Variants in XYLT1 observed in about 807,000 individuals in gnomAD.
XYLT1 encodes xylosyltransferase 1.
Under a neutral mutation model 91.3 loss-of-function variants are expected in XYLT1, and 36 were observed. The observed-to-expected ratio is 0.39, with a 90% CI of 0.30 to 0.52. XYLT1 has a LOEUF of 0.52. Ranked by LOEUF, XYLT1 falls within the 20% of genes least tolerant of loss-of-function variation. The pLI is 0.68. For missense variants in XYLT1, 1,242 were observed against 1,284.5 expected, an observed-to-expected ratio of 0.97 and a Z score of 0.51; for synonymous variants, 588 against 532.0, an observed-to-expected ratio of 1.11 and a Z score of -1.45.
At chr16:17,153,093 A>G (rs1290072867) in intron 6 of XYLT1, among the ~76,000 whole-genome samples, 1 of 152,170 alleles carries the variant, frequency 6.6e-6, no homozygotes, top group Admixed American at 6.5e-5. Flanking sequence ...TTCTTCTCAT[A>G]TCAACAACAC....
chr16:17,275,257 A>G (rs2033956786), intron 2 of XYLT1, among the ~76,000 whole-genome samples: 1 of 152,210 alleles, frequency 6.6e-6, no homozygotes, highest in Admixed American at 6.5e-5. Flanking sequence ...CACATTTCAC[A>G]GGTGAAAGTA....
intron 5 of XYLT1, among the ~76,000 whole-genome samples, chr16:17,166,758 C>T (rs1404242573): frequency 6.6e-6 from 1 of 151,564 alleles, no homozygotes; most frequent in African/African-American, 2.4e-5. Flanking sequence ...AGGTGATCTG[C>T]CTGCCTCAGC....
At chr16:17,362,067 A>G (rs915925473) in intron 1 of XYLT1, among the ~76,000 whole-genome samples, 7 of 152,304 alleles carry the variant, frequency 4.6e-5, no homozygotes, top group African/African-American at 1.7e-4. Flanking sequence ...GAAAGCCTGG[A>G]TCTGATCCCA....
chr16:17,464,366 C>A (rs923602211), intron 1 of XYLT1, among the ~76,000 whole-genome samples: 6 of 151,742 alleles, frequency 4.0e-5, no homozygotes, highest in Non-Finnish European at 7.4e-5. Flanking sequence ...GTGGCGGGTG[C>A]CTGTAATCCC....
intron 5 of XYLT1, among the ~76,000 whole-genome samples, chr16:17,167,194 T>C (rs2031708655): frequency 6.6e-6 from 1 of 152,198 alleles, no homozygotes; most frequent in African/African-American, 2.4e-5. Flanking sequence ...GTGAATAAGC[T>C]TCAGGAATGT....
rs185528435 is a variant in XYLT1 at position 17,307,705 on chromosome 16, T to C, written c.403-48207A>G. ...TCTGGCCCATTTGTAACTTTGCCCC[T>C]GAATAAAAGAAGGGATTGATCGGGG... On this transcript the variant is annotated intron_variant, in intron 2 of 11. Transcript: ENST00000261381. Among the ~76,000 whole-genome samples, 84 of 152,244 alleles carry C rather than the reference T, an allele frequency of 5.5e-4. 1 individual carries two copies. The East Asian group carries it at 0.012, about 22-fold the overall frequency.
At chr16:17,273,149 A>G (rs2033921694) in intron 2 of XYLT1, among the ~76,000 whole-genome samples, 2 of 152,248 alleles carry the variant, frequency 1.3e-5, no homozygotes, top group African/African-American at 4.8e-5. Context: ...TTAGATTTAC[A>G]TATGATACAA....
At chr16:17,205,331 C>T (rs1232809320) in intron 3 of XYLT1, among the ~76,000 whole-genome samples, 2 of 152,220 alleles carry the variant, frequency 1.3e-5, no homozygotes, top group African/African-American at 4.8e-5. Flanking sequence ...ACATGCTGTT[C>T]CACTGTTGTG....
At chr16:17,117,478 A>C (rs1365443786) in intron 11 of XYLT1, among the ~76,000 whole-genome samples, 168 bp downstream of exon 11, 1 of 152,226 alleles carries the variant, frequency 6.6e-6, no homozygotes, top group Non-Finnish European at 1.5e-5. Flanking sequence ...GTAGGACATT[A>C]GATGGTTTCT....
At chr16:17,329,251 CA>C (rs775921212) in intron 2 of XYLT1, among the ~76,000 whole-genome samples, 18 of 152,316 alleles carry the variant, frequency 1.2e-4, no homozygotes, top group Non-Finnish European at 2.6e-4. Flanking sequence ...TGCTCTGCCA[CA>C]AGGAACATGG....
chr16:17,192,194 G>A (rs1158490227), intron 5 of XYLT1, among the ~76,000 whole-genome samples: 1 of 150,946 alleles, frequency 6.6e-6, no homozygotes, highest in Admixed American at 6.6e-5. Context: ...TGCCTCCTGG[G>A]TTCAAGTGAT....
At chr16:17,406,572 T>A (rs1444218755) in intron 1 of XYLT1, among the ~76,000 whole-genome samples, 1 of 152,090 alleles carries the variant, frequency 6.6e-6, no homozygotes, top group Non-Finnish European at 1.5e-5. Flanking sequence ...AAAAGCAGGT[T>A]TGGGAAGGCT....
intron 2 of XYLT1, among the ~76,000 whole-genome samples, chr16:17,311,936 C>T (rs2034558148): frequency 6.6e-6 from 1 of 152,128 alleles, no homozygotes; most frequent in African/African-American, 2.4e-5. Flanking sequence ...ATAGGGGAAA[C>T]TGCCCCGATG....
chr16:17,407,080 C>A lies in XYLT1; in HGVS notation c.364-49030G>T, dbSNP rs560625087. ...GCAGTGACGCAATCTCGGCTCACTG[C>A]AACCTCTGCCTCCGGAGTTCAAGCG... On this transcript the variant is annotated intron_variant, in intron 1 of 11. Transcript: ENST00000261381. 1.2e-4 allele frequency among the ~76,000 whole-genome samples: 18 copies of A among 152,268 alleles called. 1 individual carries two copies. In the South Asian group the frequency reaches 3.7e-3, roughly 32 times the overall value.
intron 3 of XYLT1, among the ~76,000 whole-genome samples, chr16:17,206,739 A>G (rs1157181688): frequency 6.6e-6 from 1 of 152,136 alleles, no homozygotes; most frequent in Non-Finnish European, 1.5e-5. Flanking sequence ...CTGTCTCTAA[A>G]AATAAATAAA....
intron 5 of XYLT1, among the ~76,000 whole-genome samples, chr16:17,197,847 C>T (rs150876807): frequency 6.6e-6 from 1 of 152,272 alleles, no homozygotes; most frequent in Non-Finnish European, 1.5e-5. Flanking sequence ...CGTGAGACCT[C>T]GCCTTGTGAT....
intron 3 of XYLT1, among the ~76,000 whole-genome samples, chr16:17,241,990 A>G (rs1030709812): frequency 5.9e-5 from 9 of 152,364 alleles, no homozygotes; most frequent in African/African-American, 2.2e-4. Context: ...ACATGGCCGC[A>G]GGCAAGAGAT....
At chr16:17,154,120 G>A (rs1209847258) in intron 6 of XYLT1, among the ~76,000 whole-genome samples, 8 of 152,222 alleles carry the variant, frequency 5.3e-5, no homozygotes, top group Admixed American at 5.2e-4. Context: ...CCAGCGTGGG[G>A]CCTTCCTGTG....
At chr16:17,455,952 C>G (rs1403781507) in intron 1 of XYLT1, among the ~76,000 whole-genome samples, 6 of 152,222 alleles carry the variant, frequency 3.9e-5, no homozygotes, top group Non-Finnish European at 5.9e-5. Flanking sequence ...TTCTCACCGT[C>G]AGCAGCTGAG....
Sources: allele counts gnomAD v4.1 joint callset (sites outside exome capture counted in the v4.1 genomes callset), GRCh38; gene constraint gnomAD v4.1.1; transcripts MANE v1.5; gene names NCBI Gene and HGNC (gene_info 2026-07-23, HGNC 2026-07-21).